Variants in CEP295 observed in about 807,000 individuals in gnomAD.
CEP295 encodes the protein centrosomal protein 295, also known as centrosomal protein of 295 kDa.
In CEP295, 190 loss-of-function variants were observed where a neutral mutation model predicts 291.6. That is an observed-to-expected ratio of 0.65 (90% CI 0.58 to 0.73). The LOEUF (loss-of-function observed/expected upper bound fraction) is 0.73, where lower values mean the gene tolerates loss of function less well. Ranked by LOEUF, CEP295 falls within the 30% of genes least tolerant of loss-of-function variation. The pLI, the probability that CEP295 is intolerant of heterozygous loss-of-function variation, is 0.00. For missense variants in CEP295, 2,863 were observed against 2,949.4 expected (o/e 0.97, Z 0.68); for synonymous variants, 993 against 1,038.8 (o/e 0.96, Z 0.85).
chr11:93,679,483 G>A lies in CEP295; in HGVS notation c.696G>A (p.Glu232=). Reference sequence around the variant, plus strand: ...AACTACAAAAACAGGCAGCACAAGAGAGAATGGAACGGTTTGAAAAGGCAC... The same window carrying A: ...AACTACAAAAACAGGCAGCACAAGAAAGAATGGAACGGTTTGAAAAGGCAC... The part of the protein sequence containing the change: ...LEELQKQAAQ[E]RMERFEKAHV... The change falls in exon 7 of 30, where the codon GAG becomes GAA. Residue 232 remains glutamate (E), a synonymous_variant. Coordinates refer to ENST00000325212, the MANE Select transcript of CEP295 (RefSeq NM_033395.2). The A allele has an allele frequency of 6.4e-7, 1 of 1,551,632 alleles. No individual in the cohort carries two copies.
chr11:93,699,114 C>G lies in CEP295; in HGVS notation c.4202C>G (p.Pro1401Arg). Residue 1401 changes from proline (P) to arginine (R), a missense_variant, in exon 15 of 30, where the codon CCA becomes CGA. Around this residue, in one of 3 missense-constraint regions of CEP295, gnomAD observed 2,295 missense variants for 2,335.7 expected, o/e 0.98. Transcript: ENST00000325212. Reference sequence around the variant, plus strand: ...GACACCTCTTCCTTACCCCTAGTACCACAGCATTCATTCGCCTCATTACCT... The same window carrying G: ...GACACCTCTTCCTTACCCCTAGTACGACAGCATTCATTCGCCTCATTACCT... ...QVDTSSLPLV[P>R]QHSFASLPLN... 6.5e-7 allele frequency: 1 copy of G among 1,549,530 alleles called. No homozygotes were observed. Among genetic ancestry groups the G allele is most frequent in the Non-Finnish European group, 8.7e-7 (1 of 1,147,070 alleles).
chr11:93,662,642 G>C, intron 1 of CEP295, among the ~76,000 whole-genome samples: 1 of 152,186 alleles, frequency 6.6e-6, no homozygotes, highest in Middle Eastern at 3.2e-3. Context: ...CTTACAGCAG[G>C]ATTCCGATTG....
intron 7 of CEP295, among the ~76,000 whole-genome samples, chr11:93,682,502 G>A (rs1951024205): frequency 6.6e-6 from 1 of 152,096 alleles, no homozygotes; most frequent in African/African-American, 2.4e-5. Context: ...GGGATTACAG[G>A]TGTGAGCCAC....
At chr11:93,717,975 A>G (rs540978395) in intron 18 of CEP295, among the ~76,000 whole-genome samples, 1 of 152,292 alleles carries the variant, frequency 6.6e-6, no homozygotes, top group African/African-American at 2.4e-5. Context: ...GCAGTGGCAC[A>G]ACCACAGCTC....
intron 27 of CEP295, 40 bp downstream of exon 27, chr11:93,729,821 A>ATGT: frequency 6.5e-7 from 1 of 1,537,942 alleles, no homozygotes; most frequent in East Asian, 2.4e-5. Context: ...ACTCCCTGAA[A>ATGT]TGTTTAAAGC....
rs758392095 is a variant in CEP295, at chr11:93,729,521, G to A, written c.7390G>A (p.Ala2464Thr). The A allele has an allele frequency of 3.2e-6, 5 of 1,551,390 alleles. No individual in the cohort carries two copies. The highest frequency in any genetic ancestry group is 1.4e-5 in the African/African-American group (1 of 73,160). The change falls in exon 26 of 30, where the codon GCA becomes ACA. Residue 2464 changes from alanine (A) to threonine (T), a missense_variant. Around this residue, in one of 3 missense-constraint regions of CEP295, gnomAD observed 2,295 missense variants for 2,335.7 expected, o/e 0.98. Transcript: ENST00000325212. ...SELSIEKPRT[A>T]STETPRRLTP... ...ACTTTCCATAGAAAAACCAAGGACA[G>A]CATCTACAGGTAAGCCTTGGACGGC...
At chr11:93,726,949 A>G (rs1443989378) in intron 23 of CEP295, 27 bp from the exon 24 acceptor site, 1 of 1,462,070 alleles carries the variant, frequency 6.8e-7, no homozygotes. Flanking sequence ...AACGATGATT[A>G]ACTGATTTTT....
At chr11:93,693,317 T>A (rs1951683377) in intron 12 of CEP295, among the ~76,000 whole-genome samples, 1 of 152,090 alleles carries the variant, frequency 6.6e-6, no homozygotes, top group Admixed American at 6.5e-5. Context: ...TTTGGTCTCA[T>A]CTACTTTTAA....
intron 10 of CEP295, among the ~76,000 whole-genome samples, chr11:93,688,805 A>G (rs1951376269): frequency 6.6e-6 from 1 of 151,638 alleles, no homozygotes; most frequent in Non-Finnish European, 1.5e-5. Context: ...GTTTGAACTC[A>G]CCTTACTTAT....
At position 93,706,795 on chromosome 11, in the gene CEP295, C is replaced by T. The variant is rs1468992629; in HGVS notation, c.5647C>T (p.Arg1883Ter). ...AGACCCCCTGCGAGTCTCAATAAGCCGAGAACAAAGTTTCTTTGGGAGCCC... is the reference window on the plus strand; with the variant it reads ...AGACCCCCTGCGAGTCTCAATAAGCTGAGAACAAAGTTTCTTTGGGAGCCC... ...DRDPLRVSIS[R>*]EQSFFGSPLA... The change falls in exon 18 of 30, where the codon CGA becomes TGA. Residue 1883 changes from arginine to a stop codon, truncating the protein, a stop_gained. Transcript: ENST00000325212. LOFTEE classifies it high-confidence loss of function. 7 of 1,549,880 alleles carry T rather than the reference C, an allele frequency of 4.5e-6. No homozygotes were observed. Among genetic ancestry groups the T allele is most frequent in the Non-Finnish European group, 6.1e-6 (7 of 1,146,144 alleles).
In CEP295 at chr11:93,666,722, C is replaced by T. The variant is rs1590955783; in HGVS notation, c.15C>T (p.Val5=). 6 of 1,533,100 alleles carry T rather than the reference C, an allele frequency of 3.9e-6. No homozygotes were observed. Among genetic ancestry groups the T allele is most frequent in the Non-Finnish European group, 4.4e-6 (5 of 1,132,854 alleles). 95.0% of individuals were successfully genotyped at this position (1,533,100 alleles called of 1,614,324 possible). The change falls in exon 2 of 30, where the codon GTC becomes GTT. Residue 5 remains valine (V), a synonymous_variant. Coordinates refer to ENST00000325212, the MANE Select transcript of CEP295 (RefSeq NM_033395.2). Reference sequence around the variant, plus strand: ...AGTACACAGAAATGAAGAGAAAAGTCGTGAATACTCACAAGCTGAGATTGA... The same window carrying T: ...AGTACACAGAAATGAAGAGAAAAGTTGTGAATACTCACAAGCTGAGATTGA... MKRK[V]VNTHKLRLSP... is the part of the protein sequence containing the mutation.
chr11:93,674,201 G>A (rs936518674), intron 5 of CEP295, among the ~76,000 whole-genome samples: 20 of 152,092 alleles, frequency 1.3e-4, no homozygotes, highest in Admixed American at 1.2e-3. Flanking sequence ...GACCTCAAGT[G>A]ATCCACCTGC....
chr11:93,723,416 A>G (rs1953900261), intron 21 of CEP295, 127 bp downstream of exon 21: 1 of 693,894 alleles, frequency 1.4e-6, no homozygotes, highest in African/African-American at 1.8e-5. Flanking sequence ...ACACCGTTTT[A>G]CCACAGAATA....
chr11:93,723,025 T>C lies in CEP295; in HGVS notation c.5948-16T>C. 1.3e-6 allele frequency: 2 copies of C among 1,546,958 alleles called. No individual in the cohort carries two copies. The highest frequency in any genetic ancestry group is 1.7e-6 in the Non-Finnish European group (2 of 1,144,614). On this transcript the variant is annotated splice_polypyrimidine_tract_variant and intron_variant, in intron 20 of 29. Coordinates refer to ENST00000325212, the MANE Select transcript of CEP295 (RefSeq NM_033395.2). ...GCCTGGCCTATTTACATATTTTCAT[T>C]AAACTCAATTTTCAGAGTCATTTTC... is the stretch of plus-strand genomic sequence containing the variant.
At chr11:93,678,788 T>C (rs761553359) in intron 6 of CEP295, among the ~76,000 whole-genome samples, 2 of 152,188 alleles carry the variant, frequency 1.3e-5, no homozygotes, top group Non-Finnish European at 2.9e-5. Context: ...CCTCTTTCTC[T>C]TTTTTGTGTT....
intron 6 of CEP295, among the ~76,000 whole-genome samples, chr11:93,676,752 A>T (rs1950713666): frequency 6.6e-6 from 1 of 151,404 alleles, no homozygotes; most frequent in African/African-American, 2.4e-5. Context: ...TTGATGATGA[A>T]TTTTTTTTTA....
At chr11:93,714,766 G>A (rs1387155836) in intron 18 of CEP295, among the ~76,000 whole-genome samples, 1 of 152,204 alleles carries the variant, frequency 6.6e-6, no homozygotes, top group East Asian at 1.9e-4. Flanking sequence ...ATAAGATCCA[G>A]AAGAATTCTC....
chr11:93,729,938 A>G lies in CEP295; in HGVS notation c.7636A>G (p.Thr2546Ala). Residue 2546 changes from threonine to alanine, a missense_variant, in exon 28 of 30, where the codon ACA becomes GCA. By Grantham distance (58) the Thr-to-Ala change is moderately conservative. Transcript: ENST00000325212. Reference sequence around the variant, plus strand: ...ATCTTTTCCTGAAGACAGAAAGACTACACAGGCTCTAAGGCACCAAAGGGG... The same window carrying G: ...ATCTTTTCCTGAAGACAGAAAGACTGCACAGGCTCTAAGGCACCAAAGGGG... ...RASFPEDRKTTQALRHQRGLR... is the reference protein window; with the variant it reads ...RASFPEDRKTAQALRHQRGLR... 6.5e-7 allele frequency: 1 copy of G among 1,548,826 alleles called. No individual in the cohort carries two copies. Among genetic ancestry groups the G allele is most frequent in the Non-Finnish European group, 8.7e-7 (1 of 1,146,386 alleles).
intron 1 of CEP295, among the ~76,000 whole-genome samples, chr11:93,665,178 G>A (rs1455021964): frequency 6.6e-6 from 1 of 152,228 alleles, no homozygotes; most frequent in Admixed American, 6.5e-5. Context: ...AGGGAGACCT[G>A]AGAAATGTTG....
Sources: allele counts gnomAD v4.1 joint callset (sites outside exome capture counted in the v4.1 genomes callset), GRCh38; gene constraint gnomAD v4.1.1; regional missense constraint gnomAD v4.1.1; transcripts MANE v1.5; gene names NCBI Gene and HGNC (gene_info 2026-07-23, HGNC 2026-07-21).